Variants in OLA1 observed in about 807,000 individuals in gnomAD.
OLA1 encodes the protein Obg like ATPase 1.
OLA1 carries 14 observed loss-of-function variants against 48.4 expected under a neutral mutation model. The observed-to-expected ratio is 0.29, with a 90% CI of 0.19 to 0.45. The LOEUF is 0.45. OLA1 is among the 20% of genes least tolerant of loss of function. OLA1 has a pLI of 1.00. For synonymous variants in OLA1, 127 were observed against 150.4 expected (o/e 0.84, Z 1.14); for missense variants, 325 against 467.1 (o/e 0.70, Z 2.80).
chr2:174,138,835 A>G (rs1015555136), intron 5 of OLA1, among the ~76,000 whole-genome samples: 1 of 152,246 alleles, frequency 6.6e-6, no homozygotes. Context: ...ACAGCTACAT[A>G]TTACTGAGGA....
chr2:174,238,969 G>A (rs992155688), intron 2 of OLA1, among the ~76,000 whole-genome samples: 5 of 151,750 alleles, frequency 3.3e-5, no homozygotes, highest in Non-Finnish European at 2.9e-5. Context: ...CAACAGTAAT[G>A]GATTATAACC....
chr2:174,196,785 C>T (rs573281631), intron 4 of OLA1, among the ~76,000 whole-genome samples: 10 of 152,222 alleles, frequency 6.6e-5, no homozygotes, highest in Non-Finnish European at 8.8e-5. Flanking sequence ...TCACAATCAA[C>T]GTTTTTATAA....
chr2:174,162,916 G>A (rs984382173), intron 4 of OLA1, among the ~76,000 whole-genome samples: 6 of 152,100 alleles, frequency 3.9e-5, no homozygotes, highest in East Asian at 1.9e-4. Context: ...GTGGTGGAAC[G>A]TGTATGTAGT....
chr2:174,174,048 A>C (rs113382569), intron 4 of OLA1, among the ~76,000 whole-genome samples: 79,542 of 149,476 alleles, frequency 0.53, 21,750 homozygotes, highest in East Asian at 0.94. Context: ...AAAAAAAAAA[A>C]AAAACAAAAA....
At chr2:174,189,073 TGA>T (rs1380419367) in intron 4 of OLA1, among the ~76,000 whole-genome samples, 3 of 152,112 alleles carry the variant, frequency 2.0e-5, no homozygotes, top group Middle Eastern at 3.2e-3. Context: ...ATCTAGCATA[TGA>T]TAAAAGCAGC....
At chr2:174,090,892 A>T (rs1395203251) in intron 7 of OLA1, among the ~76,000 whole-genome samples, 1 of 152,208 alleles carries the variant, frequency 6.6e-6, no homozygotes, top group Non-Finnish European at 1.5e-5. Context: ...TTTGTTCTTT[A>T]AGATAAGAAT....
intron 4 of OLA1, among the ~76,000 whole-genome samples, chr2:174,187,432 T>C (rs532263771): frequency 6.6e-6 from 1 of 152,326 alleles, no homozygotes; most frequent in African/African-American, 2.4e-5. Flanking sequence ...GCTTGCATCC[T>C]TGCTATTTTC....
At chr2:174,150,357 C>T (rs1312897445) in intron 4 of OLA1, among the ~76,000 whole-genome samples, 1 of 152,216 alleles carries the variant, frequency 6.6e-6, no homozygotes, top group Non-Finnish European at 1.5e-5. Context: ...AGAAGACCCT[C>T]ACCAGCTGCA....
intron 4 of OLA1, among the ~76,000 whole-genome samples, chr2:174,158,658 G>C (rs77457056): frequency 1.3e-5 from 2 of 151,898 alleles, no homozygotes; most frequent in Non-Finnish European, 2.9e-5. Context: ...TTCCACAAAA[G>C]TGAAAGGATA....
chr2:174,157,175 T>C (rs963482074), intron 4 of OLA1, among the ~76,000 whole-genome samples: 1 of 152,302 alleles, frequency 6.6e-6, no homozygotes, highest in East Asian at 1.9e-4. Flanking sequence ...AAGAGACATA[T>C]TTAACAAATG....
intron 2 of OLA1, among the ~76,000 whole-genome samples, chr2:174,232,595 T>TA (rs1688755496): frequency 1.3e-5 from 2 of 151,900 alleles, no homozygotes; most frequent in Non-Finnish European, 2.9e-5. Context: ...CACAAATGGC[T>TA]AAAAAAATAT....
intron 4 of OLA1, among the ~76,000 whole-genome samples, chr2:174,148,073 C>T (rs542690813): frequency 3.3e-5 from 5 of 152,230 alleles, no homozygotes; most frequent in East Asian, 1.9e-4. Context: ...CCTGCCTGGC[C>T]TTTTTAAGTC....
chr2:174,171,363 C>T (rs1478186919), intron 4 of OLA1, among the ~76,000 whole-genome samples: 1 of 152,088 alleles, frequency 6.6e-6, no homozygotes, highest in Non-Finnish European at 1.5e-5. Context: ...GCCCAGACTA[C>T]GCATAGCCAA....
intron 4 of OLA1, among the ~76,000 whole-genome samples, chr2:174,144,951 A>AATATATATATATATATATATAT (rs71021672): frequency 5.0e-5 from 2 of 40,292 alleles, no homozygotes; most frequent in Non-Finnish European, 8.0e-5. Context: ...AAAAAAAAAA[A>AATATATATATATATATATATAT]ATATATATAT....
intron 7 of OLA1, among the ~76,000 whole-genome samples, chr2:174,105,226 C>T (rs1048819509): frequency 6.6e-6 from 1 of 151,810 alleles, no homozygotes; most frequent in African/African-American, 2.4e-5. Context: ...AAAAACTACA[C>T]TATAGTCCTT....
intron 4 of OLA1, among the ~76,000 whole-genome samples, chr2:174,198,871 A>G (rs1010962697): frequency 2.0e-5 from 3 of 152,186 alleles, no homozygotes; most frequent in Non-Finnish European, 4.4e-5. Context: ...CACTGTATTG[A>G]CATCAGCAGT....
chr2:174,223,241 C>T, intron 3 of OLA1, 81 bp from the exon 4 acceptor site: 1 of 1,331,814 alleles, frequency 7.5e-7, no homozygotes, highest in Non-Finnish European at 1.1e-6. Context: ...AAACATTTCA[C>T]ATAAATTCTT....
chr2:174,226,425 T>C (rs1375296365), intron 3 of OLA1, among the ~76,000 whole-genome samples: 1 of 152,184 alleles, frequency 6.6e-6, no homozygotes, highest in African/African-American at 2.4e-5. Context: ...GTTAAAAATA[T>C]TTTTAATCGC....
intron 7 of OLA1, among the ~76,000 whole-genome samples, chr2:174,088,072 C>T (rs1381321583): frequency 6.6e-6 from 1 of 152,132 alleles, no homozygotes; most frequent in African/African-American, 2.4e-5. Flanking sequence ...TTGTATATAA[C>T]TGGTGTCAAG....
Sources: allele counts gnomAD v4.1 joint callset (sites outside exome capture counted in the v4.1 genomes callset), GRCh38; gene constraint gnomAD v4.1.1; transcripts MANE v1.5; gene names NCBI Gene and HGNC (gene_info 2026-07-23, HGNC 2026-07-21).